The following SYNE2 variants were observed in gnomAD, a reference collection of about 807,000 sequenced individuals.
SYNE2 encodes nesprin-2.
In SYNE2, 431 loss-of-function variants were observed where a neutral mutation model predicts 856.3. The ratio of observed to expected loss-of-function variants is 0.50; its 90% CI spans 0.47 to 0.55. SYNE2 has a LOEUF of 0.55. SYNE2 is among the 20% of genes least tolerant of loss of function. SYNE2 has a pLI of 0.00. For missense variants in SYNE2, 8,129 were observed against 8,023.2 expected, an observed-to-expected ratio of 1.01 and a Z score of -0.50; for synonymous variants, 2,923 against 2,872.3, an observed-to-expected ratio of 1.02 and a Z score of -0.56.
At chr14:64,121,382 G>T (rs557659032) in intron 68 of SYNE2, among the ~76,000 whole-genome samples, 2 of 152,232 alleles carry the variant, frequency 1.3e-5, no homozygotes, top group South Asian at 4.1e-4. Context: ...AATGAGCCAG[G>T]CATGGTGGTG....
chr14:64,194,592 A>T (rs757594494), intron 99 of SYNE2, among the ~76,000 whole-genome samples: 120 of 152,292 alleles, frequency 7.9e-4, no homozygotes, highest in Middle Eastern at 3.4e-3. Flanking sequence ...GGCATGAGCC[A>T]CCTGCACCCA....
At position 64,100,222 on chromosome 14, in the gene SYNE2, T is replaced by C. The variant is rs1384953644; in HGVS notation, c.12381+1401T>C. On this transcript the variant is annotated intron_variant, in intron 63 of 115. Coordinates refer to ENST00000555002, the MANE Select transcript of SYNE2 (RefSeq NM_182914.3). Reference sequence around the variant, plus strand: ...GAAAATCATCATTCTCAGTAAACTATCGCAAGAACAAAAAACCAAACACCG... The same window carrying C: ...GAAAATCATCATTCTCAGTAAACTACCGCAAGAACAAAAAACCAAACACCG... 59 of 151,784 alleles carry C rather than the reference T, an allele frequency of 3.9e-4. 1 individual carries two copies. Among genetic ancestry groups the C allele is most frequent in the Admixed American group, 3.9e-3 (59 of 15,230 alleles). The allele number at this position is 151,784 out of a possible 1,614,324, so 9.4% of individuals were successfully genotyped here.
intron 49 of SYNE2, 109 bp downstream of exon 49, chr14:64,056,375 TGTC>T (rs1318075859): frequency 3.8e-6 from 4 of 1,057,912 alleles, no homozygotes; most frequent in Admixed American, 2.8e-5. Context: ...TTTTTTTCTC[TGTC>T]ATTAACACCT....
chr14:63,898,171 C>T (rs1419273316), intron 1 of SYNE2, among the ~76,000 whole-genome samples: 1 of 152,130 alleles, frequency 6.6e-6, no homozygotes, highest in Non-Finnish European at 1.5e-5. Flanking sequence ...TGGGTTCACT[C>T]CTGCCTGTAG....
At chr14:63,826,267 G>A (rs1889426083) in intron 1 of SYNE2, among the ~76,000 whole-genome samples, 1 of 121,052 alleles carries the variant, frequency 8.3e-6, no homozygotes, top group South Asian at 3.3e-4. Context: ...ATTGATTTTT[G>A]ACAAGCATGC....
intron 56 of SYNE2, 30 bp from the exon 57 acceptor site, chr14:64,081,409 TCTGA>T (rs780558820): frequency 5.6e-6 from 9 of 1,613,978 alleles, no homozygotes; most frequent in South Asian, 4.4e-5. Flanking sequence ...GTAAAAGGCA[TCTGA>T]CTAAGTTTGG....
chr14:64,114,178 G>A (rs971073807), intron 66 of SYNE2, among the ~76,000 whole-genome samples: 1 of 152,162 alleles, frequency 6.6e-6, no homozygotes, highest in Admixed American at 6.5e-5. Flanking sequence ...GAGGGGCAGG[G>A]ATATAAACTT....
chr14:63,982,662 A>C lies in SYNE2; in HGVS notation c.1869A>C (p.Leu623=). 1 of 1,614,184 alleles carries C rather than the reference A, an allele frequency of 6.2e-7. No homozygotes were observed. The highest frequency in any genetic ancestry group is 1.1e-5 in the South Asian group (1 of 91,084). ...VPFETLAQWN[L]EHATLNEAGN... ...TTGAGACACTAGCCCAGTGGAATCT[A>C]GAACACGCTACTTTAAATGAAGCAG... Residue 623 remains leucine (L), a synonymous_variant, in exon 17 of 116, where the codon CTA becomes CTC. Transcript: ENST00000555002.
At position 64,188,721 on chromosome 14, in the gene SYNE2, AC is replaced by A. The variant is rs763391924; in HGVS notation, c.17871+16del. 1 of 1,613,886 alleles carries A rather than the reference AC, an allele frequency of 6.2e-7. No homozygotes were observed. The highest frequency in any genetic ancestry group is 1.7e-5 in the Admixed American group (1 of 60,012). ...AAAGTTACAGAAGGTAAGGGAGGAC[AC>A]CCAGGTGGATGTAGTTATGACTACC... On this transcript the variant is annotated intron_variant, in intron 98 of 115. Transcript: ENST00000555002.
chr14:64,020,142 A>G (rs1331136018), intron 35 of SYNE2, 49 bp downstream of exon 35: 3 of 1,316,524 alleles, frequency 2.3e-6, no homozygotes, highest in East Asian at 2.3e-5. Flanking sequence ...TCAGTAAGCC[A>G]TAATCATATC....
intron 34 of SYNE2, among the ~76,000 whole-genome samples, chr14:64,018,899 A>C (rs1044599256): frequency 6.6e-6 from 1 of 152,234 alleles, no homozygotes; most frequent in African/African-American, 2.4e-5. Flanking sequence ...TCTGGAAAGA[A>C]TCAAAGTTAT....
chr14:63,823,181 T>C, intron 1 of SYNE2, among the ~76,000 whole-genome samples: 1 of 151,504 alleles, frequency 6.6e-6, no homozygotes, highest in South Asian at 2.1e-4. Flanking sequence ...GTCTACCAAA[T>C]CTTTTTTTTT....
At chr14:64,160,713 T>C (rs2098322749) in intron 87 of SYNE2, among the ~76,000 whole-genome samples, 1 of 152,198 alleles carries the variant, frequency 6.6e-6, no homozygotes, top group South Asian at 2.1e-4. Flanking sequence ...GTAAATATAA[T>C]GCTTTCAGAA....
At chr14:64,187,792 C>A (rs958933879) in intron 97 of SYNE2, among the ~76,000 whole-genome samples, 1 of 152,120 alleles carries the variant, frequency 6.6e-6, no homozygotes, top group Non-Finnish European at 1.5e-5. Flanking sequence ...ATTCTTAAAA[C>A]CTGGGAATAC....
chr14:64,220,647 C>G lies in SYNE2; in HGVS notation c.20061+10C>G, dbSNP rs2098689996. The G allele has an allele frequency of 6.2e-7, 1 of 1,613,132 alleles. No homozygotes were observed. Among genetic ancestry groups the G allele is most frequent in the Non-Finnish European group, 8.5e-7 (1 of 1,179,926 alleles). The stretch of plus-strand genomic sequence containing the variant: ...GCTCATGCAGTGCCAGGTACGCTGA[C>G]TCAGCAGCCCGCCTCCCAGAGCCGG... On this transcript the variant is annotated intron_variant, in intron 111 of 115. Coordinates refer to ENST00000555002, the MANE Select transcript of SYNE2 (RefSeq NM_182914.3).
In SYNE2 at chr14:64,022,852, C is replaced by T; in HGVS notation, c.5626C>T (p.Gln1876Ter). 6.3e-7 allele frequency: 1 copy of T among 1,580,514 alleles called. No homozygotes were observed. Among genetic ancestry groups the T allele is most frequent in the Non-Finnish European group, 8.7e-7 (1 of 1,151,110 alleles). The change falls in exon 38 of 116, where the codon CAA becomes TAA. Residue 1876 changes from glutamine (Q) to a stop codon, truncating the protein, a stop_gained. Transcript: ENST00000555002. LOFTEE classifies it high-confidence loss of function. ...AAAAAAGAGTGTGGAACAAAAGCTA[C>T]AAAAACTTTCTGTAAGAGATATATG... ...ETKKSVEQKLQKLSDFLTLEG... is the reference protein window; with the variant it reads ...ETKKSVEQKL
At chr14:63,889,086 T>C (rs1270623681) in intron 1 of SYNE2, among the ~76,000 whole-genome samples, 1 of 145,824 alleles carries the variant, frequency 6.9e-6, no homozygotes, top group Non-Finnish European at 1.5e-5. Context: ...TAAAGACCTA[T>C]GATACAGACA....
chr14:64,011,234 A>G, intron 32 of SYNE2, among the ~76,000 whole-genome samples: 1 of 152,200 alleles, frequency 6.6e-6, no homozygotes, highest in Non-Finnish European at 1.5e-5. Context: ...TTTAGATACC[A>G]GCTGTACAGT....
At chr14:64,169,610 C>T (rs2098400587) in intron 93 of SYNE2, among the ~76,000 whole-genome samples, 1 of 152,240 alleles carries the variant, frequency 6.6e-6, no homozygotes, top group South Asian at 2.1e-4. Flanking sequence ...ACCCATACAC[C>T]TCTGAATCTT....
Sources: gnomAD v4.1 joint callset for allele counts (sites outside exome capture counted in the v4.1 genomes callset) on GRCh38, gnomAD v4.1.1 for gene constraint, MANE v1.5 for transcripts, NCBI Gene and HGNC (gene_info 2026-07-23, HGNC 2026-07-21) for gene names.